Variants in LAPTM4B observed in about 807,000 individuals in gnomAD.
The protein encoded by LAPTM4B is lysosomal protein transmembrane 4 beta.
A neutral mutation model predicts 28.5 loss-of-function variants in LAPTM4B; 26 were observed. That is an observed-to-expected ratio of 0.91 (90% confidence interval 0.67 to 1.27). The LOEUF is 1.27. Ranked by LOEUF, LAPTM4B falls within the 50% of genes most tolerant of loss-of-function variation. The pLI, the probability that LAPTM4B is intolerant of heterozygous loss-of-function variation, is 0.00. For synonymous variants in LAPTM4B, 109 were observed against 106.4 expected, an observed-to-expected ratio of 1.02 and a Z score of -0.15; for missense variants, 288 against 285.8, an observed-to-expected ratio of 1.01 and a Z score of -0.06.
intron 1 of LAPTM4B, among the ~76,000 whole-genome samples, chr8:97,784,776 T>A (rs1816375963): frequency 6.6e-6 from 1 of 152,020 alleles, no homozygotes; most frequent in African/African-American, 2.4e-5. Context: ...AATGGCAGGC[T>A]GTTTCAGATG....
At chr8:97,781,334 C>T (rs1361059668) in intron 1 of LAPTM4B, among the ~76,000 whole-genome samples, 2 of 125,236 alleles carry the variant, frequency 1.6e-5, no homozygotes, top group African/African-American at 6.4e-5. Flanking sequence ...GGCCGAAGTG[C>T]AGTGGTGCAA....
At chr8:97,829,973 G>A (rs1315690557) in intron 6 of LAPTM4B, among the ~76,000 whole-genome samples, 3 of 152,102 alleles carry the variant, frequency 2.0e-5, no homozygotes, top group African/African-American at 7.2e-5. Context: ...GGGATTACAG[G>A]CATGAGCCAC....
chr8:97,814,571 A>G (rs1208649145), intron 2 of LAPTM4B, among the ~76,000 whole-genome samples: 1 of 152,144 alleles, frequency 6.6e-6, no homozygotes, highest in African/African-American at 2.4e-5. Flanking sequence ...AGAATGAACC[A>G]GATGATATGG....
At chr8:97,793,682 A>G (rs72671593) in intron 1 of LAPTM4B, among the ~76,000 whole-genome samples, 4,327 of 152,338 alleles carry the variant, frequency 0.028, 87 homozygotes, top group Non-Finnish European at 0.044. Context: ...CAGAATGTCT[A>G]TCGTTTCCCA....
intron 5 of LAPTM4B, among the ~76,000 whole-genome samples, chr8:97,823,771 C>G (rs1468912806): frequency 6.6e-6 from 1 of 150,854 alleles, no homozygotes; most frequent in African/African-American, 2.4e-5. Context: ...GATCTTGGCT[C>G]ACTGCAACTG....
rs138890752 is a variant in LAPTM4B at position 97,819,197 on chromosome 8, C to A, written c.466C>A (p.Leu156Ile). ...VMSVNPTCLV[L>I]IILLFISIIL... is the part of the protein sequence containing the mutation. Reference sequence around the variant, plus strand: ...GTCAGTGAATCCTACCTGTTTGGTCCTTATTATTCTTCTGTTTATTAGCAT... The same window carrying A: ...GTCAGTGAATCCTACCTGTTTGGTCATTATTATTCTTCTGTTTATTAGCAT... The change falls in exon 5 of 7, where the codon CTT becomes ATT. Residue 156 changes from leucine (L) to isoleucine (I), a missense_variant. Physicochemically the swap from Leu to Ile is conservative, Grantham distance 5. Transcript: ENST00000521545. 2.9e-4 allele frequency: 469 copies of A among 1,608,006 alleles called. No homozygotes were observed. The highest frequency in any genetic ancestry group is 2.5e-4 in the Non-Finnish European group (297 of 1,175,700).
At chr8:97,780,524 A>G (rs1056691729) in intron 1 of LAPTM4B, among the ~76,000 whole-genome samples, 5 of 152,120 alleles carry the variant, frequency 3.3e-5, no homozygotes, top group African/African-American at 4.8e-5. Flanking sequence ...GATCTTTTTT[A>G]TATGTTTTCT....
At chr8:97,780,551 C>G (rs1321989988) in intron 1 of LAPTM4B, among the ~76,000 whole-genome samples, 1 of 152,036 alleles carries the variant, frequency 6.6e-6, no homozygotes, top group African/African-American at 2.4e-5. Flanking sequence ...TGATTCCTAC[C>G]AATACCGTTT....
chr8:97,787,406 C>T lies in LAPTM4B; in HGVS notation c.99+11298C>T, dbSNP rs559490069. Among the ~76,000 whole-genome samples, 100 of 151,880 alleles carry T rather than the reference C, an allele frequency of 6.6e-4. 1 individual carries two copies. The South Asian group carries it at 0.02, about 31-fold the overall frequency. On this transcript the variant is annotated intron_variant, in intron 1 of 6. Transcript: ENST00000521545. ...GTTCACGCCATTCTCCTGCCTCAGC[C>T]TCCCGAGTAGCTGGGACTACAGGCA...
rs138033354 is a variant in LAPTM4B, at chr8:97,828,585, G to A, written c.603+3432G>A. Among the ~76,000 whole-genome samples, 11 of 152,240 alleles carry A rather than the reference G, an allele frequency of 7.2e-5. No homozygotes were observed. In the East Asian group the frequency reaches 2.1e-3, roughly 29 times the overall value. ...TGTCTTTAAGTTTTTTGATATTGTC[G>A]TATACAAGGCCTGATTGATTTACGT... is the stretch of plus-strand genomic sequence containing the variant. On this transcript the variant is annotated intron_variant, in intron 6 of 6. Coordinates refer to ENST00000521545, the MANE Select transcript of LAPTM4B (RefSeq NM_018407.6).
At chr8:97,821,366 C>G (rs572681321) in intron 5 of LAPTM4B, among the ~76,000 whole-genome samples, 1 of 151,962 alleles carries the variant, frequency 6.6e-6, no homozygotes, top group African/African-American at 2.4e-5. Context: ...AGACCCAACA[C>G]CAGGTCGTGG....
chr8:97,781,169 TG>T (rs1816304644), intron 1 of LAPTM4B, among the ~76,000 whole-genome samples: 1 of 151,650 alleles, frequency 6.6e-6, no homozygotes, highest in South Asian at 2.1e-4. Flanking sequence ...TTAGTAGAGA[TG>T]GGGTTTCCCC....
intron 2 of LAPTM4B, among the ~76,000 whole-genome samples, chr8:97,806,688 T>G (rs1816759156): frequency 6.6e-6 from 1 of 152,156 alleles, no homozygotes; most frequent in African/African-American, 2.4e-5. Context: ...CTTGCTATTC[T>G]TGTGATAGTG....
intron 1 of LAPTM4B, among the ~76,000 whole-genome samples, chr8:97,780,548 T>G (rs1816292995): frequency 6.6e-6 from 1 of 152,240 alleles, no homozygotes; most frequent in African/African-American, 2.4e-5. Flanking sequence ...TGTTGATTCC[T>G]ACCAATACCG....
chr8:97,845,912 C>T (rs1473909692), intron 6 of LAPTM4B, among the ~76,000 whole-genome samples: 2 of 112,560 alleles, frequency 1.8e-5, no homozygotes, highest in African/African-American at 3.4e-5. Flanking sequence ...CCCTTCCCTT[C>T]GACAGGGTCT....
At chr8:97,840,367 G>C (rs762695621) in intron 6 of LAPTM4B, among the ~76,000 whole-genome samples, 9 of 152,150 alleles carry the variant, frequency 5.9e-5, no homozygotes, top group Admixed American at 2.0e-4. Flanking sequence ...TGAGAATTAA[G>C]GATAATAATG....
At chr8:97,808,246 C>T (rs1020631349) in intron 2 of LAPTM4B, among the ~76,000 whole-genome samples, 2 of 151,446 alleles carry the variant, frequency 1.3e-5, no homozygotes, top group Non-Finnish European at 2.9e-5. Context: ...TCAGGAGTTG[C>T]GAGATCAGCC....
intron 6 of LAPTM4B, among the ~76,000 whole-genome samples, chr8:97,830,794 C>G (rs576107294): frequency 1.0e-3 from 152 of 152,214 alleles, no homozygotes; most frequent in African/African-American, 3.6e-3. Context: ...TTAACAAGAA[C>G]TGACCGTCGG....
intron 1 of LAPTM4B, among the ~76,000 whole-genome samples, chr8:97,791,054 A>G (rs955200054): frequency 2.0e-5 from 3 of 152,100 alleles, no homozygotes; most frequent in Middle Eastern, 6.8e-3. Flanking sequence ...ACAGGCACAC[A>G]CCACACCCAG....
Sources: gnomAD v4.1 joint callset for allele counts (sites outside exome capture counted in the v4.1 genomes callset) on GRCh38, gnomAD v4.1.1 for gene constraint, MANE v1.5 for transcripts, NCBI Gene and HGNC (gene_info 2026-07-23, HGNC 2026-07-21) for gene names.